DOCK9: variants seen among roughly 807,000 people sequenced by gnomAD.
DOCK9 encodes the protein dedicator of cytokinesis protein 9.
DOCK9 carries 89 observed loss-of-function variants against 263.3 expected under a neutral mutation model. The ratio of observed to expected loss-of-function variants is 0.34; its 90% CI spans 0.28 to 0.40. The LOEUF (loss-of-function observed/expected upper bound fraction) is 0.40. DOCK9 is among the 10% of genes least tolerant of loss of function. DOCK9 has a pLI of 1.00. For missense variants in DOCK9, 2,140 were observed against 2,603.4 expected (o/e 0.82, Z 3.87); for synonymous variants, 976 against 973.1 (o/e 1.00, Z -0.06).
rs199674506 is a variant in DOCK9 at position 98,794,714 on chromosome 13, G to T, written c.6191C>A (p.Pro2064Gln). The T allele has an allele frequency of 6.2e-7, 1 of 1,613,906 alleles. No individual in the cohort carries two copies. The change falls in exon 53 of 53, where the codon CCG (proline) becomes CAG (glutamine). Residue 2064 changes from proline (P) to glutamine (Q), a missense_variant. Physicochemically the swap from Pro to Gln is moderately conservative, Grantham distance 76. Transcript: ENST00000682017. ...GGCGTTGAAGATGTGAAGGGAATTC[G>T]GTAAGACGCTCGTCTTCTCCTCCAG... ...CPLEEKTSVL[P>Q]NSLHIFNAIS...
intron 1 of DOCK9, among the ~76,000 whole-genome samples, chr13:99,036,703 C>G (rs1887918819): frequency 6.6e-6 from 1 of 152,116 alleles, no homozygotes; most frequent in Non-Finnish European, 1.5e-5. Context: ...CCATGCCCAG[C>G]TAATTTTTGT....
intron 1 of DOCK9, among the ~76,000 whole-genome samples, chr13:98,985,878 C>T (rs1878340802): frequency 6.6e-6 from 1 of 152,210 alleles, no homozygotes. Flanking sequence ...AGTAGGCAAT[C>T]CATAAATGCT....
intron 45 of DOCK9, among the ~76,000 whole-genome samples, chr13:98,813,162 G>A (rs373047194): frequency 2.6e-5 from 4 of 152,212 alleles, no homozygotes; most frequent in East Asian, 1.9e-4. Context: ...AGTTCTTCGG[G>A]ATTTTCTCTT....
rs2093371544 is a variant in DOCK9, at chr13:98,845,812, T to C, written c.4198+112A>G. The C allele has an allele frequency of 2.8e-6, 4 of 1,409,938 alleles. No homozygotes were observed. The Admixed American group carries it at 6.3e-5, about 22-fold the overall frequency. The allele number at this position is 1,409,938 out of a possible 1,614,324, so 87.3% of individuals were successfully genotyped here. A position where few individuals can be genotyped will look rare whatever the true frequency, so the allele number is the denominator to read the frequency against. ...CATGAGCTCTTCATCCTACTTGCTT[T>C]GAGCTAGAAGAAAAATTGAGTTGGT... On this transcript the variant is annotated intron_variant, in intron 38 of 52. Coordinates refer to ENST00000682017, the MANE Select transcript of DOCK9 (RefSeq NM_001366683.2).
At chr13:99,080,617 C>T (rs935622063) in intron 1 of DOCK9, among the ~76,000 whole-genome samples, 2 of 152,174 alleles carry the variant, frequency 1.3e-5, no homozygotes, top group Non-Finnish European at 2.9e-5. Context: ...TAAGCATTTG[C>T]TCAATTTCTT....
chr13:98,841,459 T>C (rs2093208241), intron 38 of DOCK9, among the ~76,000 whole-genome samples: 1 of 152,116 alleles, frequency 6.6e-6, no homozygotes. Context: ...ACCCCATCAA[T>C]TGCAAGAAAT....
intron 50 of DOCK9, 43 bp downstream of exon 50, chr13:98,800,245 A>C (rs2089955801): frequency 6.5e-7 from 1 of 1,528,610 alleles, no homozygotes; most frequent in African/African-American, 1.4e-5. Context: ...CCCAGGGGCA[A>C]GGACGTCCCC....
intron 38 of DOCK9, among the ~76,000 whole-genome samples, chr13:98,840,143 C>T (rs2093157119): frequency 6.6e-6 from 1 of 152,322 alleles, no homozygotes; most frequent in Admixed American, 6.5e-5. Context: ...TCAACAATCA[C>T]CATGGTATAG....
intron 1 of DOCK9, among the ~76,000 whole-genome samples, chr13:99,021,065 G>A (rs916022383): frequency 3.3e-5 from 5 of 152,198 alleles, no homozygotes; most frequent in South Asian, 2.1e-4. Context: ...GAAATGTTAT[G>A]TAAGTTGGTC....
chr13:98,913,301 T>C (rs2050358866), intron 9 of DOCK9, among the ~76,000 whole-genome samples: 1 of 152,166 alleles, frequency 6.6e-6, no homozygotes, highest in Non-Finnish European at 1.5e-5. Flanking sequence ...AGAAGGGCAG[T>C]AACAGAGTAA....
At chr13:98,983,081 G>A (rs1230446723) in intron 1 of DOCK9, among the ~76,000 whole-genome samples, 1 of 152,130 alleles carries the variant, frequency 6.6e-6, no homozygotes, top group Non-Finnish European at 1.5e-5. Flanking sequence ...TTTATTAGGG[G>A]TTCTTGGCAT....
intron 33 of DOCK9, chr13:98,859,771 A>ATATATATG (rs2093808966): frequency 6.8e-6 from 1 of 147,962 alleles, no homozygotes; most frequent in Non-Finnish European, 1.5e-5. Flanking sequence ...ATATATATAT[A>ATATATATG]TGTAAACTGC....
Position 98,967,128 on chromosome 13 carries a change from T to C in DOCK9, c.126+10656A>G, listed in dbSNP as rs188299610. Among the ~76,000 whole-genome samples, 4 of 152,404 alleles carry C rather than the reference T, an allele frequency of 2.6e-5. No individual in the cohort carries two copies. The East Asian group carries it at 7.7e-4, about 29-fold the overall frequency. On this transcript the variant is annotated intron_variant, in intron 1 of 52. Coordinates refer to ENST00000682017, the MANE Select transcript of DOCK9 (RefSeq NM_001366683.2). ...CAAAAAATCCTGGCTTCACTGCCTA[T>C]TGGCTATGTCACCTTTGGACAAGTT...
At chr13:98,799,191 C>G (rs547781248) in intron 50 of DOCK9, among the ~76,000 whole-genome samples, 13 of 152,268 alleles carry the variant, frequency 8.5e-5, no homozygotes, top group Middle Eastern at 6.8e-3. Flanking sequence ...CAACAACTCA[C>G]GGTTCTTTAG....
intron 25 of DOCK9, among the ~76,000 whole-genome samples, 164 bp downstream of exon 25, chr13:98,881,394 C>T (rs962762421): frequency 3.3e-5 from 5 of 152,170 alleles, no homozygotes; most frequent in African/African-American, 7.2e-5. Context: ...TGTCCCTCTT[C>T]GTACCTCCCC....
intron 41 of DOCK9, among the ~76,000 whole-genome samples, chr13:98,831,072 A>T (rs2092742425): frequency 6.6e-6 from 1 of 152,198 alleles, no homozygotes; most frequent in African/African-American, 2.4e-5. Context: ...GCATCCTCAC[A>T]TAGGTTCTAA....
chr13:99,086,673 G>A (rs1054442806), upstream of DOCK9: 7 of 146,798 alleles, frequency 4.8e-5, no homozygotes, highest in African/African-American at 1.7e-4. Flanking sequence ...CCACTCGCCG[G>A]GCCGCCTCCT....
intron 1 of DOCK9, among the ~76,000 whole-genome samples, chr13:98,966,331 C>T (rs1303226569): frequency 6.6e-6 from 1 of 152,226 alleles, no homozygotes; most frequent in East Asian, 1.9e-4. Flanking sequence ...ACAGCGAGAA[C>T]CAGGTAGAGC....
Position 98,880,603 on chromosome 13 carries a change from T to C in DOCK9, c.2815A>G (p.Met939Val), listed in dbSNP as rs748425149. The C allele has an allele frequency of 1.9e-5, 31 of 1,613,794 alleles. No individual in the cohort carries two copies. The Middle Eastern group carries it at 8.2e-4, about 43-fold the overall frequency. Residue 939 changes from methionine to valine, a missense_variant, in exon 26 of 53, where the codon ATG becomes GTG. Physicochemically the swap from Met to Val is conservative, Grantham distance 21 (BLOSUM62 1). Transcript: ENST00000682017. ...GCAGAAGGCTTGAGAATCGTGGTCA[T>C]GGATTTGGTCAGTTCTTCATGCACT... ...KTVHEELTKS[M>V]TTILKPSADF...
Sources: gnomAD v4.1 joint callset for allele counts (sites outside exome capture counted in the v4.1 genomes callset) on GRCh38, gnomAD v4.1.1 for gene constraint, MANE v1.5 for transcripts, NCBI Gene and HGNC (gene_info 2026-07-23, HGNC 2026-07-21) for gene names.